Variants in GALNTL6 observed in about 807,000 individuals in gnomAD.
GALNTL6 encodes polypeptide N-acetylgalactosaminyltransferase like 6, also known as polypeptide N-acetylgalactosaminyltransferase-like 6.
GALNTL6 carries 46 observed loss-of-function variants against 73.7 expected under a neutral mutation model. That is an observed-to-expected ratio of 0.62 (90% confidence interval 0.49 to 0.80). The LOEUF (loss-of-function observed/expected upper bound fraction) is 0.80. GALNTL6 is among the 30% of genes least tolerant of loss of function. The pLI is 0.00. For missense variants in GALNTL6, 604 were observed against 755.0 expected (o/e 0.80, Z 2.34); for synonymous variants, 259 against 263.7 (o/e 0.98, Z 0.17).
At chr4:172,046,455 C>G (rs1336072067) in intron 2 of GALNTL6, among the ~76,000 whole-genome samples, 9 of 152,030 alleles carry the variant, frequency 5.9e-5, no homozygotes, top group Admixed American at 5.9e-4. Context: ...ATATAGTTTC[C>G]CGTGAGATCT....
At chr4:172,171,492 T>C (rs543566554) in intron 2 of GALNTL6, among the ~76,000 whole-genome samples, 10 of 152,176 alleles carry the variant, frequency 6.6e-5, no homozygotes, top group African/African-American at 2.2e-4. Context: ...TAATGGAAGG[T>C]ATTTCATGAA....
chr4:172,696,224 A>G (rs1235740615), intron 5 of GALNTL6, among the ~76,000 whole-genome samples: 2 of 152,132 alleles, frequency 1.3e-5, no homozygotes, highest in Admixed American at 1.3e-4. Flanking sequence ...AATTTTGGGT[A>G]TAATTTTTCT....
At chr4:172,376,682 C>T (rs760691250) in intron 5 of GALNTL6, among the ~76,000 whole-genome samples, 57 of 151,998 alleles carry the variant, frequency 3.8e-4, no homozygotes, top group Non-Finnish European at 4.3e-4. Context: ...CACCGCTTGG[C>T]GATAGGTGAT....
intron 12 of GALNTL6, among the ~76,000 whole-genome samples, chr4:173,028,914 T>G (rs755101317): frequency 6.6e-6 from 1 of 152,216 alleles, no homozygotes; most frequent in Non-Finnish European, 1.5e-5. Context: ...TTGATAACAG[T>G]GTAACCATTC....
chr4:171,957,723 T>G (rs143299445), intron 2 of GALNTL6, among the ~76,000 whole-genome samples: 2 of 152,208 alleles, frequency 1.3e-5, no homozygotes, highest in African/African-American at 4.8e-5. Context: ...ATGACCTATC[T>G]GACTCATAAG....
intron 2 of GALNTL6, among the ~76,000 whole-genome samples, chr4:171,970,276 C>G (rs332974): frequency 0.98 from 149,211 of 152,280 alleles, 73,178 homozygotes; most frequent in Middle Eastern, 1. Flanking sequence ...ATACTACCTA[C>G]TGTAAATTTT....
chr4:173,024,365 C>T (rs1019221575), intron 12 of GALNTL6, among the ~76,000 whole-genome samples: 3 of 152,220 alleles, frequency 2.0e-5, no homozygotes, highest in East Asian at 1.9e-4. Context: ...TAATCAGGAA[C>T]ATGCAAAGGC....
intron 5 of GALNTL6, among the ~76,000 whole-genome samples, chr4:172,732,498 A>G (rs1332988241): frequency 6.6e-6 from 1 of 152,142 alleles, no homozygotes; most frequent in Non-Finnish European, 1.5e-5. Flanking sequence ...TATGCCTTTT[A>G]GTTGGAGAGT....
chr4:172,242,747 T>C (rs899436935), intron 3 of GALNTL6, among the ~76,000 whole-genome samples: 2 of 147,596 alleles, frequency 1.4e-5, no homozygotes, highest in East Asian at 3.9e-4. Context: ...CCAAATACTA[T>C]AGCTCTGGAA....
intron 10 of GALNTL6, among the ~76,000 whole-genome samples, chr4:172,953,548 G>C (rs1311528262): frequency 1.3e-5 from 2 of 152,188 alleles, no homozygotes; most frequent in Non-Finnish European, 2.9e-5. Flanking sequence ...GGCTACCCCA[G>C]GGCATGGTAG....
chr4:172,291,779 A>ATTCCAAGCTGGCAGCCC (rs1739483423), intron 3 of GALNTL6, among the ~76,000 whole-genome samples: 1 of 149,642 alleles, frequency 6.7e-6, no homozygotes, highest in Non-Finnish European at 1.5e-5. Flanking sequence ...TCTGGCAGCC[A>ATTCCAAGCTGGCAGCCC]CATTCCAAAG....
chr4:171,966,499 G>A (rs1156646736), intron 2 of GALNTL6, among the ~76,000 whole-genome samples: 2 of 152,154 alleles, frequency 1.3e-5, no homozygotes, highest in Admixed American at 6.5e-5. Context: ...ATAAGAAAGT[G>A]TGATCCAGAG....
chr4:172,240,309 C>T (rs192659233), intron 3 of GALNTL6, among the ~76,000 whole-genome samples: 140 of 152,104 alleles, frequency 9.2e-4, no homozygotes, highest in Non-Finnish European at 1.6e-3. Flanking sequence ...CTGCAAGCTC[C>T]GCCTCCTGGG....
chr4:172,717,897 A>T (rs1180180378), intron 5 of GALNTL6, among the ~76,000 whole-genome samples: 1 of 152,160 alleles, frequency 6.6e-6, no homozygotes, highest in Non-Finnish European at 1.5e-5. Context: ...GTGTGTGTTT[A>T]TGTGTGTCTA....
chr4:172,448,861 C>A (rs893994740), intron 5 of GALNTL6, among the ~76,000 whole-genome samples: 9 of 152,086 alleles, frequency 5.9e-5, no homozygotes, highest in African/African-American at 2.2e-4. Context: ...TTAGGAGTGA[C>A]AACCTTATAA....
At chr4:171,978,871 T>C (rs556795129) in intron 2 of GALNTL6, among the ~76,000 whole-genome samples, 2 of 150,362 alleles carry the variant, frequency 1.3e-5, no homozygotes, top group East Asian at 3.9e-4. Flanking sequence ...GATGATAGAT[T>C]TGATTTATAT....
intron 2 of GALNTL6, among the ~76,000 whole-genome samples, chr4:172,131,391 T>C (rs1413235763): frequency 1.4e-5 from 2 of 145,056 alleles, no homozygotes; most frequent in Non-Finnish European, 3.0e-5. Context: ...CTTCCATGTT[T>C]CACCATGCCT....
chr4:171,913,889 C>G (rs772831409), intron 2 of GALNTL6, among the ~76,000 whole-genome samples: 98 of 152,254 alleles, frequency 6.4e-4, no homozygotes, highest in Middle Eastern at 3.4e-3. Context: ...TCCTTTTCAA[C>G]ACAATACTCA....
At position 172,449,233 on chromosome 4, in the gene GALNTL6, C is replaced by T. The variant is rs138075691; in HGVS notation, c.553+100544C>T. On this transcript the variant is annotated intron_variant, in intron 5 of 12. Coordinates refer to ENST00000506823, the MANE Select transcript of GALNTL6 (RefSeq NM_001034845.3). ...CATTTCTCTTCTGCAACCAGTACCT[C>T]TTACCTTCCTACCAGGTCATTCCGT... Among the ~76,000 whole-genome samples, 410 of 152,284 alleles carry T rather than the reference C, an allele frequency of 2.7e-3. 1 individual carries two copies. Among genetic ancestry groups the T allele is most frequent in the Non-Finnish European group, 4.0e-3 (271 of 68,016 alleles).
Sources: gnomAD v4.1 joint callset for allele counts (sites outside exome capture counted in the v4.1 genomes callset) on GRCh38, gnomAD v4.1.1 for gene constraint, MANE v1.5 for transcripts, NCBI Gene and HGNC (gene_info 2026-07-23, HGNC 2026-07-21) for gene names.